TRAPPC8: variants seen among roughly 807,000 people sequenced by gnomAD.
TRAPPC8 encodes the protein trafficking protein particle complex subunit 8.
A neutral mutation model predicts 174.3 loss-of-function variants in TRAPPC8; 54 were observed. That is an observed-to-expected ratio of 0.31 (90% CI 0.25 to 0.39). The LOEUF (loss-of-function observed/expected upper bound fraction) is 0.39. TRAPPC8 is among the 10% of genes least tolerant of loss of function. The pLI is 1.00. For missense variants in TRAPPC8, 1,531 were observed against 1,699.1 expected (o/e 0.90, Z 1.74); for synonymous variants, 630 against 579.9 (o/e 1.09, Z -1.24).
Position 31,844,214 on chromosome 18 carries a change from A to T in TRAPPC8, c.3837+2502T>A, listed in dbSNP as rs114669823. ...ACAAGTATACCAAACAATATGGATA[A>T]ATTTCACAAACACAGAAGTTGAATA... is the stretch of plus-strand genomic sequence containing the variant. On this transcript the variant is annotated intron_variant, in intron 26 of 28. Coordinates refer to ENST00000283351, the MANE Select transcript of TRAPPC8 (RefSeq NM_014939.5). Among the ~76,000 whole-genome samples, 282 of 152,312 alleles carry T rather than the reference A, an allele frequency of 1.9e-3. 1 individual carries two copies. Among genetic ancestry groups the T allele is most frequent in the African/African-American group, 6.3e-3 (263 of 41,570 alleles).
intron 28 of TRAPPC8, among the ~76,000 whole-genome samples, chr18:31,831,651 C>A (rs981078607): frequency 6.6e-6 from 1 of 151,982 alleles, no homozygotes; most frequent in Non-Finnish European, 1.5e-5. Flanking sequence ...AAATGGAAAA[C>A]CCAGTACCCA....
At chr18:31,849,349 C>T (rs1199933394) in intron 25 of TRAPPC8, among the ~76,000 whole-genome samples, 9 of 151,390 alleles carry the variant, frequency 5.9e-5, no homozygotes, top group Non-Finnish European at 7.4e-5. Context: ...ACAATATTCT[C>T]GGTAACACAC....
At position 31,839,536 on chromosome 18, in the gene TRAPPC8, C is replaced by T. The variant is rs574020126; in HGVS notation, c.3838-79G>A. Reference sequence around the variant, plus strand: ...AAAAAAAAAGCATAGTGTATATATACAAAAGTTAAAATCAGCAGAGATAAT... The same window carrying T: ...AAAAAAAAAGCATAGTGTATATATATAAAAGTTAAAATCAGCAGAGATAAT... On this transcript the variant is annotated intron_variant, in intron 26 of 28. Coordinates refer to ENST00000283351, the MANE Select transcript of TRAPPC8 (RefSeq NM_014939.5). 8 of 1,330,448 alleles carry T rather than the reference C, an allele frequency of 6.0e-6. No homozygotes were observed. In the East Asian group the frequency reaches 2.0e-4, roughly 33 times the overall value. The allele number at this position is 1,330,448 out of a possible 1,614,324, so 82.4% of individuals were successfully genotyped here. A position where few individuals can be genotyped will look rare whatever the true frequency, so the allele number is the denominator to read the frequency against.
intron 11 of TRAPPC8, among the ~76,000 whole-genome samples, chr18:31,894,599 GAAAAA>G (rs754158446): frequency 4.7e-5 from 7 of 149,000 alleles, no homozygotes; most frequent in African/African-American, 1.7e-4. Flanking sequence ...GTATGTACAG[GAAAAA>G]AAAAATCACC....
intron 19 of TRAPPC8, among the ~76,000 whole-genome samples, chr18:31,863,637 G>A (rs2034441722): frequency 6.6e-6 from 1 of 152,180 alleles, no homozygotes; most frequent in African/African-American, 2.4e-5. Context: ...GGTCTGAAAA[G>A]ATAAACAGCA....
rs369514768 is a variant in TRAPPC8, at chr18:31,873,567, T to C, written c.1954-29A>G. On this transcript the variant is annotated intron_variant, in intron 13 of 28. Coordinates refer to ENST00000283351, the MANE Select transcript of TRAPPC8 (RefSeq NM_014939.5). ...AGAGAAATATAAAAGGGAAAAAAAG[T>C]AGTTTTTGTGAAAATGGTATTTTTA... is the stretch of plus-strand genomic sequence containing the variant. 3.1e-4 allele frequency: 467 copies of C among 1,527,644 alleles called. 2 individuals are homozygous for C. The Middle Eastern group carries it at 4.1e-3, about 13-fold the overall frequency. The allele number at this position is 1,527,644 out of a possible 1,614,324, so 94.6% of individuals were successfully genotyped here.
chr18:31,898,798 T>G (rs143447235), intron 10 of TRAPPC8, among the ~76,000 whole-genome samples: 29 of 152,296 alleles, frequency 1.9e-4, no homozygotes, highest in African/African-American at 6.5e-4. Flanking sequence ...AATGAAAACA[T>G]TCTTACTATG....
chr18:31,831,058 A>C, intron 28 of TRAPPC8, 69 bp from the exon 29 acceptor site: 1 of 1,381,556 alleles, frequency 7.2e-7, no homozygotes, highest in Non-Finnish European at 1.0e-6. Context: ...AGTCACATTA[A>C]CATATCCCTT....
chr18:31,918,838 T>TA (rs2037256493), intron 2 of TRAPPC8, among the ~76,000 whole-genome samples: 1 of 152,322 alleles, frequency 6.6e-6, no homozygotes, highest in East Asian at 1.9e-4. Context: ...TATTTGAACT[T>TA]ACGTAAAACT....
chr18:31,900,659 G>A (rs927285164), intron 10 of TRAPPC8, among the ~76,000 whole-genome samples: 5 of 152,138 alleles, frequency 3.3e-5, no homozygotes, highest in African/African-American at 1.2e-4. Context: ...TAACTTGATA[G>A]CAGTTTAAAG....
At chr18:31,854,656 C>G (rs1261391371) in intron 21 of TRAPPC8, among the ~76,000 whole-genome samples, 2 of 152,016 alleles carry the variant, frequency 1.3e-5, no homozygotes, top group Non-Finnish European at 2.9e-5. Context: ...CATGAGAGAT[C>G]ACACTCTCAT....
chr18:31,935,928 G>A (rs544577503), intron 1 of TRAPPC8, among the ~76,000 whole-genome samples: 48 of 151,172 alleles, frequency 3.2e-4, no homozygotes, highest in Non-Finnish European at 5.5e-4. Context: ...TAGTAGAGAC[G>A]AGGTTTCGCC....
intron 7 of TRAPPC8, 118 bp from the exon 8 acceptor site, chr18:31,908,536 A>G: frequency 2.2e-6 from 2 of 900,040 alleles, no homozygotes; most frequent in Non-Finnish European, 3.2e-6. Flanking sequence ...AAACTGATTT[A>G]AAGAAAACTG....
rs933248229 is a variant in TRAPPC8 at position 31,882,634 on chromosome 18, C to T, written c.1729-7930G>A. ...TAATTATTTTTATTTTTATTTTTTTCGAGACAGAGTCTCGCTCTGTCGCTC... is the reference window on the plus strand; with the variant it reads ...TAATTATTTTTATTTTTATTTTTTTTGAGACAGAGTCTCGCTCTGTCGCTC... On this transcript the variant is annotated intron_variant, in intron 12 of 28. Transcript: ENST00000283351. Among the ~76,000 whole-genome samples the T allele has an allele frequency of 4.8e-4, 73 of 151,726 alleles. No homozygotes were observed. The Middle Eastern group carries it at 0.01, about 21-fold the overall frequency.
intron 10 of TRAPPC8, 70 bp from the exon 11 acceptor site, chr18:31,897,961 G>C (rs780101011): frequency 9.8e-5 from 130 of 1,329,708 alleles, no homozygotes; most frequent in Non-Finnish European, 1.3e-4. Flanking sequence ...AATGTGTTCA[G>C]CAAAAGATTC....
At chr18:31,842,199 G>GGT (rs2033141360) in intron 26 of TRAPPC8, among the ~76,000 whole-genome samples, 1 of 152,164 alleles carries the variant, frequency 6.6e-6, no homozygotes, top group Non-Finnish European at 1.5e-5. Context: ...CTTTGTCCAA[G>GGT]GTGTGTCATT....
rs113694358 is a variant in TRAPPC8 at position 31,880,692 on chromosome 18, T to C, written c.1729-5988A>G. 3.0e-3 allele frequency among the ~76,000 whole-genome samples: 454 copies of C among 152,012 alleles called. 2 individuals carry two copies. The highest frequency in any genetic ancestry group is 9.6e-3 in the African/African-American group (397 of 41,502). On this transcript the variant is annotated intron_variant, in intron 12 of 28. Transcript: ENST00000283351. ...AGAGAAAGAAGAAAAAGCATCCAAA[T>C]AGGAAAAGAGGAAGTGAAATGATCT...
At chr18:31,874,110 C>T (rs1598645343) in intron 13 of TRAPPC8, 2 of 268,660 alleles carry the variant, frequency 7.4e-6, no homozygotes, top group Non-Finnish European at 1.4e-5. Context: ...AGGAAAAGAA[C>T]ATAGAATGTC....
intron 27 of TRAPPC8, among the ~76,000 whole-genome samples, chr18:31,838,435 TGTTA>T (rs1158872159): frequency 1.3e-5 from 2 of 152,210 alleles, no homozygotes; most frequent in East Asian, 1.9e-4. Flanking sequence ...CTAAGGATTT[TGTTA>T]GTTTCCCTGT....
Sources: gnomAD v4.1 joint callset for allele counts (sites outside exome capture counted in the v4.1 genomes callset) on GRCh38, gnomAD v4.1.1 for gene constraint, MANE v1.5 for transcripts, NCBI Gene and HGNC (gene_info 2026-07-23, HGNC 2026-07-21) for gene names.